Variants in HPSE2 observed in about 807,000 individuals in gnomAD.
The protein encoded by HPSE2 is heparanase 2 (inactive), also known as inactive heparanase-2.
Under a neutral mutation model 60.5 loss-of-function variants are expected in HPSE2, and 38 were observed. The ratio of observed to expected loss-of-function variants is 0.63; its 90% CI spans 0.48 to 0.82. The LOEUF is 0.82. Among genes scored for constraint, HPSE2 ranks in the 40% least tolerant of loss-of-function variants. The pLI, the probability that HPSE2 is intolerant of heterozygous loss-of-function variation, is 0.00. For missense variants in HPSE2, 713 were observed against 740.4 expected, an observed-to-expected ratio of 0.96 and a Z score of 0.43; for synonymous variants, 295 against 293.2, an observed-to-expected ratio of 1.01 and a Z score of -0.06.
intron 3 of HPSE2, among the ~76,000 whole-genome samples, chr10:98,842,465 G>C (rs956296415): frequency 3.3e-5 from 5 of 149,516 alleles, no homozygotes; most frequent in Non-Finnish European, 7.4e-5. Context: ...ATGTAAAGTT[G>C]AATTCATTGA....
intron 2 of HPSE2, among the ~76,000 whole-genome samples, chr10:99,183,040 G>A (rs1483591856): frequency 6.6e-6 from 1 of 152,018 alleles, no homozygotes; most frequent in Non-Finnish European, 1.5e-5. Flanking sequence ...AGAAAGTGCA[G>A]GACAGTGATC....
chr10:98,921,841 C>T (rs1431989603), intron 3 of HPSE2, among the ~76,000 whole-genome samples: 2 of 152,132 alleles, frequency 1.3e-5, no homozygotes, highest in African/African-American at 4.8e-5. Context: ...GTCACCTACA[C>T]TCTTGTTTCT....
intron 5 of HPSE2, among the ~76,000 whole-genome samples, chr10:98,712,220 C>T (rs1306566985): frequency 6.6e-6 from 1 of 151,224 alleles, no homozygotes; most frequent in Non-Finnish European, 1.5e-5. Context: ...GTATTAGAGA[C>T]AGAGAGAAAC....
At chr10:99,044,018 T>C (rs1258840963) in intron 3 of HPSE2, among the ~76,000 whole-genome samples, 1 of 152,162 alleles carries the variant, frequency 6.6e-6, no homozygotes, top group East Asian at 1.9e-4. Flanking sequence ...CAAAGGACCC[T>C]GGCTAGATAC....
At chr10:99,196,366 T>C (rs1848397658) in intron 2 of HPSE2, among the ~76,000 whole-genome samples, 1 of 151,904 alleles carries the variant, frequency 6.6e-6, no homozygotes, top group Admixed American at 6.6e-5. Context: ...CTGGATCACA[T>C]CAAGTTAAAA....
At chr10:98,790,446 C>T (rs950648123) in intron 3 of HPSE2, among the ~76,000 whole-genome samples, 1 of 152,178 alleles carries the variant, frequency 6.6e-6, no homozygotes, top group Non-Finnish European at 1.5e-5. Context: ...AAGTCGATCT[C>T]ATAGAAACAA....
At chr10:99,142,240 CA>C (rs1845889761) in intron 3 of HPSE2, among the ~76,000 whole-genome samples, 1 of 152,146 alleles carries the variant, frequency 6.6e-6, no homozygotes, top group Non-Finnish European at 1.5e-5. Context: ...GAAATATTTA[CA>C]AAAGTTAGTT....
chr10:99,233,995 AAAAG>A (rs1474924825), intron 1 of HPSE2, among the ~76,000 whole-genome samples: 1 of 152,222 alleles, frequency 6.6e-6, no homozygotes, highest in Non-Finnish European at 1.5e-5. Context: ...ATTTTTTAAA[AAAAG>A]AAAGAAAGCT....
At chr10:99,055,525 G>C (rs1958091553) in intron 3 of HPSE2, among the ~76,000 whole-genome samples, 1 of 152,072 alleles carries the variant, frequency 6.6e-6, no homozygotes, top group African/African-American at 2.4e-5. Context: ...GGAAACTGGA[G>C]CTGATAAAAT....
chr10:99,215,344 C>T (rs893217526), intron 2 of HPSE2, among the ~76,000 whole-genome samples: 1 of 152,302 alleles, frequency 6.6e-6, no homozygotes, highest in Non-Finnish European at 1.5e-5. Context: ...CCATCATCTT[C>T]AGCAAACTAA....
chr10:99,202,712 A>G (rs1848616529), intron 2 of HPSE2, among the ~76,000 whole-genome samples: 1 of 152,190 alleles, frequency 6.6e-6, no homozygotes, highest in Non-Finnish European at 1.5e-5. Flanking sequence ...AGATGGTAGA[A>G]TAAGACTTTC....
intron 9 of HPSE2, among the ~76,000 whole-genome samples, chr10:98,584,992 A>G (rs1944899780): frequency 6.6e-6 from 1 of 152,180 alleles, no homozygotes; most frequent in Non-Finnish European, 1.5e-5. Flanking sequence ...GAGTAGTAGA[A>G]TGAGAAAAAC....
At chr10:98,742,792 T>TACAC (rs71009713) in intron 4 of HPSE2, among the ~76,000 whole-genome samples, 77,378 of 147,094 alleles carry the variant, frequency 0.53, 22,404 homozygotes, top group South Asian at 0.8. Flanking sequence ...CACACATACA[T>TACAC]ACACACACAC....
chr10:98,978,913 C>T (rs542314122), intron 3 of HPSE2, among the ~76,000 whole-genome samples: 2 of 152,290 alleles, frequency 1.3e-5, no homozygotes, highest in African/African-American at 2.4e-5. Context: ...AAATTGGAGT[C>T]GCTGGACATG....
intron 9 of HPSE2, among the ~76,000 whole-genome samples, chr10:98,490,909 A>G (rs185110873): frequency 1.2e-4 from 18 of 152,372 alleles, no homozygotes; most frequent in African/African-American, 3.8e-4. Context: ...TGAGCTTACA[A>G]AAACCCACCT....
intron 9 of HPSE2, among the ~76,000 whole-genome samples, chr10:98,517,546 C>T (rs936915116): frequency 6.6e-5 from 10 of 152,172 alleles, no homozygotes; most frequent in Non-Finnish European, 1.5e-4. Context: ...CCTAACATTT[C>T]ATGTTTGATG....
At chr10:98,577,691 C>T (rs79810365) in intron 9 of HPSE2, among the ~76,000 whole-genome samples, 4,889 of 152,216 alleles carry the variant, frequency 0.032, 284 homozygotes, top group African/African-American at 0.11. Context: ...GCCCTCATTC[C>T]ACAATTTTGG....
chr10:98,474,749 T>C (rs920371933), intron 11 of HPSE2, among the ~76,000 whole-genome samples: 7 of 152,190 alleles, frequency 4.6e-5, no homozygotes, highest in Admixed American at 3.9e-4. Flanking sequence ...CATGCAGATC[T>C]GAAATTTAAA....
chr10:98,795,860 C>A (rs2801396), intron 3 of HPSE2, among the ~76,000 whole-genome samples: 1 of 152,032 alleles, frequency 6.6e-6, no homozygotes, highest in African/African-American at 2.4e-5. Context: ...GAGAGCACTG[C>A]ACAGAATGGT....
Sources: allele counts gnomAD v4.1 joint callset (sites outside exome capture counted in the v4.1 genomes callset), GRCh38; gene constraint gnomAD v4.1.1; transcripts MANE v1.5; gene names NCBI Gene and HGNC (gene_info 2026-07-23, HGNC 2026-07-21).